Variants in RPS6KC1 observed in about 807,000 individuals in gnomAD.
RPS6KC1 encodes inactive ribosomal protein S6 kinase delta-1.
RPS6KC1 carries 54 observed loss-of-function variants against 103.8 expected under a neutral mutation model. The observed-to-expected ratio is 0.52, with a 90% CI of 0.42 to 0.65. The LOEUF is 0.65. Ranked by LOEUF, RPS6KC1 falls within the 30% of genes least tolerant of loss-of-function variation. The pLI is 0.00. For synonymous variants in RPS6KC1, 439 were observed against 438.7 expected (o/e 1.00, Z -0.01); for missense variants, 1,151 against 1,253.8 (o/e 0.92, Z 1.24).
In RPS6KC1 at chr1:213,089,669, C is replaced by T. The variant is rs544218660; in HGVS notation, c.262+11853C>T. ...CAGAGACGGGGTTTCACCATGTTGG[C>T]CAGGCTGGTCTCGAACTCCTGACCT... is the stretch of plus-strand genomic sequence containing the variant. On this transcript the variant is annotated intron_variant, in intron 3 of 14. Transcript: ENST00000366960. Among the ~76,000 whole-genome samples, 296 of 152,150 alleles carry T rather than the reference C, an allele frequency of 1.9e-3. 1 individual carries two copies. The highest frequency in any genetic ancestry group is 6.9e-3 in the African/African-American group (285 of 41,524).
intron 6 of RPS6KC1, among the ~76,000 whole-genome samples, chr1:213,141,015 A>G (rs1169632970): frequency 6.7e-6 from 1 of 150,170 alleles, no homozygotes; most frequent in African/African-American, 2.5e-5. Flanking sequence ...TCTTGCCTCA[A>G]CCTCCCAAGT....
At chr1:213,512,980 A>G in the RPS6KC1 span, among the ~76,000 whole-genome samples, 6 of 152,206 alleles carry the variant, frequency 3.9e-5, no homozygotes, top group African/African-American at 1.2e-4. Context: ...CCTCTTAAAG[A>G]TGAGCATGTC....
the RPS6KC1 span, among the ~76,000 whole-genome samples, chr1:213,756,152 T>C: frequency 6.6e-6 from 1 of 152,180 alleles, no homozygotes; most frequent in Non-Finnish European, 1.5e-5. Context: ...CACTGTTTTG[T>C]ACTACTACTT....
At chr1:213,556,084 G>T in the RPS6KC1 span, among the ~76,000 whole-genome samples, 2 of 152,222 alleles carry the variant, frequency 1.3e-5, no homozygotes, top group Non-Finnish European at 2.9e-5. Context: ...TTGACACCTT[G>T]TAGTTGAATA....
the RPS6KC1 span, among the ~76,000 whole-genome samples, chr1:213,642,726 T>C: frequency 6.6e-6 from 1 of 152,056 alleles, no homozygotes; most frequent in Non-Finnish European, 1.5e-5. Context: ...TTGTCAAGTT[T>C]TTTGGCTTCT....
the RPS6KC1 span, among the ~76,000 whole-genome samples, chr1:213,408,373 G>T: frequency 6.6e-6 from 1 of 152,134 alleles, no homozygotes; most frequent in African/African-American, 2.4e-5. Flanking sequence ...AGGGTGTGGG[G>T]GTTAGTTTTA....
the RPS6KC1 span, among the ~76,000 whole-genome samples, chr1:213,558,119 T>C: frequency 1.3e-5 from 2 of 152,172 alleles, no homozygotes; most frequent in African/African-American, 4.8e-5. Flanking sequence ...TTCTTTAAAC[T>C]TGGGAGGCTT....
the RPS6KC1 span, among the ~76,000 whole-genome samples, chr1:213,679,061 C>A: frequency 6.6e-6 from 1 of 152,278 alleles, no homozygotes; most frequent in East Asian, 1.9e-4. Flanking sequence ...AAGGTGGGTC[C>A]TTCCCTCTCT....
At chr1:213,757,832 A>T in the RPS6KC1 span, among the ~76,000 whole-genome samples, 3 of 152,304 alleles carry the variant, frequency 2.0e-5, no homozygotes, top group East Asian at 5.8e-4. Context: ...TGGTGACTTT[A>T]AGTTGAAATC....
the RPS6KC1 span, among the ~76,000 whole-genome samples, chr1:213,861,925 C>T: frequency 6.6e-6 from 1 of 152,144 alleles, no homozygotes; most frequent in Non-Finnish European, 1.5e-5. Context: ...TTTCCAGTGC[C>T]ACCATCGCCC....
At chr1:213,497,229 T>C in the RPS6KC1 span, among the ~76,000 whole-genome samples, 10 of 152,222 alleles carry the variant, frequency 6.6e-5, no homozygotes, top group Non-Finnish European at 1.2e-4. Context: ...CTGAACACTG[T>C]ATGCTATAGC....
the RPS6KC1 span, among the ~76,000 whole-genome samples, chr1:213,394,607 C>T: frequency 0.042 from 6,460 of 152,284 alleles, 183 homozygotes; most frequent in Non-Finnish European, 0.063. Context: ...CCTCCTCTAT[C>T]CCCAGGTCTT....
the RPS6KC1 span, among the ~76,000 whole-genome samples, chr1:213,387,680 G>C: frequency 6.6e-6 from 1 of 152,216 alleles, no homozygotes; most frequent in Non-Finnish European, 1.5e-5. Flanking sequence ...TGTTTTTAGA[G>C]TGGGGCATAC....
the RPS6KC1 span, among the ~76,000 whole-genome samples, chr1:213,563,256 A>G: frequency 6.6e-6 from 1 of 152,086 alleles, no homozygotes; most frequent in Non-Finnish European, 1.5e-5. Flanking sequence ...ATTTCATCTG[A>G]TATCAATGTG....
chr1:213,537,115 G>T, the RPS6KC1 span, among the ~76,000 whole-genome samples: 2 of 152,034 alleles, frequency 1.3e-5, no homozygotes, highest in African/African-American at 4.8e-5. Flanking sequence ...CCCTTTAATG[G>T]CCTCCACCTG....
the RPS6KC1 span, among the ~76,000 whole-genome samples, chr1:213,392,718 A>T: frequency 6.6e-6 from 1 of 152,210 alleles, no homozygotes; most frequent in African/African-American, 2.4e-5. Context: ...AGTACTGCAC[A>T]TGTGTAGTGT....
the RPS6KC1 span, among the ~76,000 whole-genome samples, chr1:213,487,231 T>G: frequency 6.6e-6 from 1 of 152,128 alleles, no homozygotes; most frequent in Non-Finnish European, 1.5e-5. Flanking sequence ...GGCGAATCCC[T>G]GTCTCTACAA....
At chr1:213,641,766 G>C in the RPS6KC1 span, among the ~76,000 whole-genome samples, 5 of 151,902 alleles carry the variant, frequency 3.3e-5, no homozygotes, top group African/African-American at 1.2e-4. Context: ...TACAGTCACA[G>C]TGTGTCTGAG....
chr1:213,786,117 A>G, the RPS6KC1 span, among the ~76,000 whole-genome samples: 1 of 152,278 alleles, frequency 6.6e-6, no homozygotes, highest in South Asian at 2.1e-4. Flanking sequence ...GGAAGAATAG[A>G]AAGGAAAGAG....
Sources: gnomAD v4.1 joint callset for allele counts (sites outside exome capture counted in the v4.1 genomes callset) on GRCh38, gnomAD v4.1.1 for gene constraint, MANE v1.5 for transcripts, NCBI Gene and HGNC (gene_info 2026-07-23, HGNC 2026-07-21) for gene names.